Variants in MTHFD2L observed in about 807,000 individuals in gnomAD.
MTHFD2L encodes bifunctional methylenetetrahydrofolate dehydrogenase/cyclohydrolase 2, mitochondrial.
In MTHFD2L, 29 loss-of-function variants were observed where a neutral mutation model predicts 34.9. The ratio of observed to expected loss-of-function variants is 0.83; its 90% CI spans 0.62 to 1.13. The LOEUF (loss-of-function observed/expected upper bound fraction) is 1.13, where lower values mean the gene tolerates loss of function less well. Among genes scored for constraint, MTHFD2L ranks in the 50% most tolerant of loss-of-function variants. The probability of loss-of-function intolerance (pLI) is 0.00; values close to 1 mark genes in which losing one functional copy is unlikely to be tolerated. For missense variants in MTHFD2L, 481 were observed against 446.5 expected (o/e 1.08, Z -0.70); for synonymous variants, 167 against 155.7 (o/e 1.07, Z -0.54).
intron 5 of MTHFD2L, among the ~76,000 whole-genome samples, chr4:74,214,437 G>A (rs952034976): frequency 2.0e-5 from 3 of 151,776 alleles, no homozygotes; most frequent in Non-Finnish European, 2.9e-5. Flanking sequence ...ACTCCTTTCT[G>A]TTTGGTAGTT....
intron 6 of MTHFD2L, among the ~76,000 whole-genome samples, chr4:74,226,931 G>C (rs917476039): frequency 6.6e-6 from 1 of 152,164 alleles, no homozygotes; most frequent in Non-Finnish European, 1.5e-5. Context: ...TGGGGATACT[G>C]TTTTAGATTG....
intron 1 of MTHFD2L, among the ~76,000 whole-genome samples, chr4:74,125,671 T>C (rs1187125867): frequency 1.3e-5 from 2 of 152,106 alleles, no homozygotes; most frequent in East Asian, 1.9e-4. Context: ...TTTTTTTCAA[T>C]GATAGAAAAA....
intron 6 of MTHFD2L, among the ~76,000 whole-genome samples, chr4:74,269,437 A>G (rs910850651): frequency 8.5e-5 from 13 of 152,070 alleles, no homozygotes; most frequent in Non-Finnish European, 1.9e-4. Context: ...AACTCAGATA[A>G]CTAATATGGG....
At chr4:74,267,236 C>T (rs1345641370) in intron 6 of MTHFD2L, 2 of 985,080 alleles carry the variant, frequency 2.0e-6, no homozygotes, top group Admixed American at 6.2e-5. Flanking sequence ...CCTCATTCCC[C>T]AAGTGCATTG....
intron 6 of MTHFD2L, among the ~76,000 whole-genome samples, chr4:74,272,858 G>A (rs1249760874): frequency 2.0e-5 from 3 of 152,106 alleles, no homozygotes; most frequent in African/African-American, 4.8e-5. Context: ...CTGTCAAAAG[G>A]TGTCAAATAA....
At chr4:74,128,091 A>T (rs183169298) in intron 1 of MTHFD2L, among the ~76,000 whole-genome samples, 35 of 151,938 alleles carry the variant, frequency 2.3e-4, no homozygotes, top group African/African-American at 8.0e-4. Flanking sequence ...TTTTAAAATC[A>T]GATTATTTTG....
chr4:74,270,026 C>T (rs971173169), intron 6 of MTHFD2L, among the ~76,000 whole-genome samples: 18 of 152,162 alleles, frequency 1.2e-4, no homozygotes, highest in Admixed American at 3.9e-4. Flanking sequence ...ATTCTATTTA[C>T]GGACCTAAGG....
At chr4:74,160,043 T>G in intron 1 of MTHFD2L, 1 of 1,284,416 alleles carries the variant, frequency 7.8e-7, no homozygotes. Context: ...TGGTGTCTCT[T>G]TTCTCTTCTA....
At chr4:74,269,238 T>A (rs962445512) in intron 6 of MTHFD2L, among the ~76,000 whole-genome samples, 1 of 152,148 alleles carries the variant, frequency 6.6e-6, no homozygotes, top group Non-Finnish European at 1.5e-5. Flanking sequence ...CAGAAATAAG[T>A]TGATAAAAGG....
At chr4:74,239,065 GC>G (rs1025923568) in intron 6 of MTHFD2L, among the ~76,000 whole-genome samples, 2 of 152,162 alleles carry the variant, frequency 1.3e-5, no homozygotes, top group African/African-American at 2.4e-5. Context: ...ATTCACAATA[GC>G]AAAAACTTGG....
chr4:74,234,824 C>T (rs1460017), intron 6 of MTHFD2L, among the ~76,000 whole-genome samples: 41,927 of 149,282 alleles, frequency 0.28, 6,293 homozygotes, highest in African/African-American at 0.42. Context: ...TGTGTGTTTA[C>T]GTGTGTAAGA....
intron 7 of MTHFD2L, among the ~76,000 whole-genome samples, chr4:74,299,037 C>T (rs1423135740): frequency 6.6e-6 from 1 of 151,768 alleles, no homozygotes; most frequent in Non-Finnish European, 1.5e-5. Context: ...TTAATAAGTA[C>T]TCAATTGATA....
chr4:74,191,622 C>T (rs1250889004), intron 3 of MTHFD2L, among the ~76,000 whole-genome samples: 1 of 152,128 alleles, frequency 6.6e-6, no homozygotes, highest in Non-Finnish European at 1.5e-5. Context: ...TTGATCTCAG[C>T]TCACTGCAAC....
chr4:74,201,496 T>C (rs1734423852), intron 5 of MTHFD2L, 126 bp downstream of exon 5: 5 of 531,970 alleles, frequency 9.4e-6, no homozygotes, highest in Non-Finnish European at 1.6e-5. Flanking sequence ...GTCTCCTTTA[T>C]TCCTCATTTA....
intron 3 of MTHFD2L, among the ~76,000 whole-genome samples, chr4:74,191,887 G>A (rs1732599397): frequency 1.3e-5 from 2 of 152,080 alleles, no homozygotes; most frequent in Non-Finnish European, 2.9e-5. Flanking sequence ...GGATGTTAGA[G>A]GATATGGAAG....
chr4:74,281,015 C>T (rs1747392652), intron 6 of MTHFD2L, among the ~76,000 whole-genome samples: 1 of 151,852 alleles, frequency 6.6e-6, no homozygotes, highest in Non-Finnish European at 1.5e-5. Context: ...CCCTCCCTTC[C>T]TCCCTTTTTT....
intron 3 of MTHFD2L, among the ~76,000 whole-genome samples, chr4:74,191,445 G>T (rs796084802): frequency 4.6e-5 from 7 of 151,798 alleles, no homozygotes; most frequent in African/African-American, 1.7e-4. Context: ...TTATGTTGGA[G>T]GATGTAATAG....
At chr4:74,236,656 A>C (rs193259184) in intron 6 of MTHFD2L, among the ~76,000 whole-genome samples, 7 of 152,398 alleles carry the variant, frequency 4.6e-5, no homozygotes, top group Admixed American at 4.6e-4. Flanking sequence ...TTATCTCTGC[A>C]TGAAAAACAG....
intron 1 of MTHFD2L, chr4:74,162,374 G>T (rs1725639319): frequency 6.6e-6 from 1 of 152,090 alleles, no homozygotes; most frequent in Non-Finnish European, 1.5e-5. Flanking sequence ...TGCATCATCT[G>T]AACGCTATGT....
Sources: gnomAD v4.1 joint callset for allele counts (sites outside exome capture counted in the v4.1 genomes callset) on GRCh38, gnomAD v4.1.1 for gene constraint, MANE v1.5 for transcripts, NCBI Gene and HGNC (gene_info 2026-07-23, HGNC 2026-07-21) for gene names.